SH2D1A: variants seen among roughly 807,000 people sequenced by gnomAD.
The protein encoded by SH2D1A is SH2 domain-containing protein 1A.
Under a neutral mutation model 10.1 loss-of-function variants are expected in SH2D1A, and 6 were observed. The observed-to-expected ratio is 0.60, with a 90% CI of 0.33 to 1.18. The LOEUF (loss-of-function observed/expected upper bound fraction) is 1.18, where lower values mean the gene tolerates loss of function less well. Among genes scored for constraint, SH2D1A ranks in the 50% most tolerant of loss-of-function variants. SH2D1A has a pLI of 0.04. For missense variants in SH2D1A, 51 were observed against 97.6 expected, an observed-to-expected ratio of 0.52 and a Z score of 2.01; for synonymous variants, 42 against 36.9, an observed-to-expected ratio of 1.14 and a Z score of -0.51.
intron 1 of SH2D1A, among the ~76,000 whole-genome samples, chrX:124,355,926 A>T (rs1317910683): frequency 9.1e-6 from 1 of 109,318 alleles, no homozygotes; most frequent in East Asian, 2.8e-4. Flanking sequence ...TGTTTTTTTT[A>T]ATACTTTAAG....
chrX:124,365,907 A>G (rs2060053148), intron 2 of SH2D1A, 83 bp downstream of exon 2: 1 of 603,438 alleles, frequency 1.7e-6, no homozygotes, highest in Non-Finnish European at 2.9e-6. Context: ...AGCAAATTAT[A>G]CATTATTAAG....
chrX:124,356,901 T>C (rs1603237866), intron 1 of SH2D1A, among the ~76,000 whole-genome samples: 1 of 112,626 alleles, frequency 8.9e-6, no homozygotes. Context: ...GTGTATGACA[T>C]GATGCTTTGA....
chrX:124,363,871 AC>A (rs1206736356), intron 1 of SH2D1A, among the ~76,000 whole-genome samples: 7 of 91,454 alleles, frequency 7.7e-5, no homozygotes, highest in Non-Finnish European at 1.3e-4. Context: ...AGCCTGGGCA[AC>A]AGAGCGAGAC....
intron 1 of SH2D1A, among the ~76,000 whole-genome samples, chrX:124,347,804 C>T (rs1216690814): frequency 9.0e-6 from 1 of 111,114 alleles, no homozygotes; most frequent in South Asian, 3.8e-4. Context: ...ATTTTATCTT[C>T]TCTTTTCAGT....
At chrX:124,364,486 G>C in intron 1 of SH2D1A, 1 of 236,086 alleles carries the variant, frequency 4.2e-6, no homozygotes, top group Non-Finnish European at 7.7e-6. Flanking sequence ...TTGAAGCTAA[G>C]ATTAATTTAT....
intron 1 of SH2D1A, among the ~76,000 whole-genome samples, chrX:124,364,960 A>C (rs1208492636): frequency 9.0e-6 from 1 of 110,612 alleles, no homozygotes; most frequent in Non-Finnish European, 1.9e-5. Flanking sequence ...ACTATATTTT[A>C]CTGTGCCTTT....
intron 1 of SH2D1A, among the ~76,000 whole-genome samples, chrX:124,354,516 A>G (rs1323891927): frequency 9.0e-6 from 1 of 111,604 alleles, no homozygotes; most frequent in Non-Finnish European, 1.9e-5. Context: ...TTAAGAGCCC[A>G]GATCTTCCAG....
intron 1 of SH2D1A, among the ~76,000 whole-genome samples, chrX:124,352,049 T>G (rs2060016500): frequency 9.0e-6 from 1 of 111,558 alleles, no homozygotes; most frequent in Admixed American, 9.6e-5. Flanking sequence ...TTGTGTTTGA[T>G]TTCTTCCTTG....
At chrX:124,369,526 G>A (rs1427288773) in intron 2 of SH2D1A, among the ~76,000 whole-genome samples, 1 of 111,968 alleles carries the variant, frequency 8.9e-6, no homozygotes, top group Non-Finnish European at 1.9e-5. Flanking sequence ...TTACAGTGAC[G>A]TGCTGATGGA....
In SH2D1A at chrX:124,372,919, A is replaced by T. The variant is rs746349960; in HGVS notation, c.*1528A>T. Reference sequence around the variant, plus strand: ...ATCACATGAACTTGTAAAGGAATTTAAAAATCCTACTTTCATAATAAGTTG... The same window carrying T: ...ATCACATGAACTTGTAAAGGAATTTTAAAATCCTACTTTCATAATAAGTTG... On this transcript the variant is annotated 3_prime_UTR_variant, in exon 4 of 4. Transcript: ENST00000371139. 6 of 156,664 alleles carry T rather than the reference A, an allele frequency of 3.8e-5. No individual in the cohort carries two copies. In the South Asian group the frequency reaches 2.0e-3, roughly 52 times the overall value. 12.9% of individuals were successfully genotyped at this position (156,664 alleles called of 1,213,427 possible).
intron 2 of SH2D1A, among the ~76,000 whole-genome samples, 165 bp from the exon 3 acceptor site, chrX:124,370,011 A>G (rs1310291661): frequency 9.0e-6 from 1 of 111,693 alleles, no homozygotes; most frequent in Non-Finnish European, 1.9e-5. Context: ...TCAGCCAACC[A>G]AAGTAAGCTC....
chrX:124,347,827 G>T (rs145138083), intron 1 of SH2D1A, among the ~76,000 whole-genome samples: 2,051 of 110,238 alleles, frequency 0.019, 54 homozygotes, highest in African/African-American at 0.064. Context: ...ATTTCTTTTA[G>T]GAATCATGGG....
intron 1 of SH2D1A, among the ~76,000 whole-genome samples, chrX:124,358,099 G>C (rs1226895852): frequency 9.0e-6 from 1 of 111,640 alleles, no homozygotes; most frequent in Non-Finnish European, 1.9e-5. Flanking sequence ...TCACTCTGTT[G>C]TTTCCTTTGC....
intron 1 of SH2D1A, among the ~76,000 whole-genome samples, chrX:124,350,025 A>C (rs2060003759): frequency 2.0e-5 from 2 of 99,445 alleles, no homozygotes; most frequent in Non-Finnish European, 4.0e-5. Flanking sequence ...TCTATATTTT[A>C]ATAAGATGAA....
In SH2D1A at chrX:124,346,583, A is replaced by G; in HGVS notation, c.-60A>G. ...TGGTTGACTTGTGCCTGGCTGCAGTAGCAGCGGCATCTCCCTTGCACAGTT... is the reference window on the plus strand; with the variant it reads ...TGGTTGACTTGTGCCTGGCTGCAGTGGCAGCGGCATCTCCCTTGCACAGTT... On this transcript the variant is annotated 5_prime_UTR_variant, in exon 1 of 4. Coordinates refer to ENST00000371139, the MANE Select transcript of SH2D1A (RefSeq NM_002351.5). 1 of 1,186,744 alleles carries G rather than the reference A, an allele frequency of 8.4e-7. No homozygotes were observed. Among genetic ancestry groups the G allele is most frequent in the South Asian group, 1.8e-5 (1 of 56,321 alleles).
intron 1 of SH2D1A, among the ~76,000 whole-genome samples, chrX:124,357,955 C>T (rs1260937780): frequency 9.1e-6 from 1 of 110,016 alleles, no homozygotes; most frequent in Non-Finnish European, 1.9e-5. Flanking sequence ...GAGTAGCTGC[C>T]TTTGCCCATT....
At position 124,371,962 on chromosome X, in the gene SH2D1A, A is replaced by T. The variant is rs1242938045; in HGVS notation, c.*571A>T. ...CAACCTTCTTGCCTAGTGTTCTGAT[A>T]TTGGACAGTAAAATCCACAGACCAA... On this transcript the variant is annotated 3_prime_UTR_variant, in exon 4 of 4. Transcript: ENST00000371139. 1 of 157,607 alleles carries T rather than the reference A, an allele frequency of 6.3e-6. No individual in the cohort carries two copies. The highest frequency in any genetic ancestry group is 1.2e-5 in the Non-Finnish European group (1 of 81,087). The allele number at this position is 157,607 out of a possible 1,213,427, so 13.0% of individuals were successfully genotyped here. A position where few individuals can be genotyped will look rare whatever the true frequency, so the allele number is the denominator to read the frequency against.
chrX:124,372,596 G>T lies in SH2D1A; in HGVS notation c.*1205G>T, dbSNP rs746742786. On this transcript the variant is annotated 3_prime_UTR_variant, in exon 4 of 4. Transcript: ENST00000371139. ...AAGTACATGATAAGCGAGGTTCCCC[G>T]TGTGTAGGTAGATCTGGTCTTTAGA... The T allele has an allele frequency of 1.7e-4, 28 of 169,485 alleles. 1 individual carries two copies. The East Asian group carries it at 2.4e-3, about 14-fold the overall frequency. The allele number at this position is 169,485 out of a possible 1,213,427, so 14.0% of individuals were successfully genotyped here. A position where few individuals can be genotyped will look rare whatever the true frequency, so the allele number is the denominator to read the frequency against.
chrX:124,358,741 A>T (rs1215187329), intron 1 of SH2D1A, among the ~76,000 whole-genome samples: 2 of 111,903 alleles, frequency 1.8e-5, no homozygotes, highest in Non-Finnish European at 3.8e-5. Flanking sequence ...ATTCCCAATG[A>T]GATGTGGGCA....
Sources: gnomAD v4.1 joint callset for allele counts (sites outside exome capture counted in the v4.1 genomes callset) on GRCh38, gnomAD v4.1.1 for gene constraint, MANE v1.5 for transcripts, NCBI Gene and HGNC (gene_info 2026-07-23, HGNC 2026-07-21) for gene names.